EBF2: variants seen among roughly 807,000 people sequenced by gnomAD.
EBF2 encodes the protein transcription factor COE2.
EBF2 carries 21 observed loss-of-function variants against 72.8 expected under a neutral mutation model. The observed-to-expected ratio is 0.29, with a 90% CI of 0.20 to 0.42. EBF2 has a LOEUF of 0.42. EBF2 is among the 10% of genes least tolerant of loss of function. EBF2 has a pLI of 1.00. For synonymous variants in EBF2, 299 were observed against 274.2 expected (o/e 1.09, Z -0.89); for missense variants, 637 against 731.2 (o/e 0.87, Z 1.49).
intron 6 of EBF2, among the ~76,000 whole-genome samples, chr8:25,909,774 T>C (rs1158878263): frequency 6.6e-6 from 1 of 152,192 alleles, no homozygotes; most frequent in South Asian, 2.1e-4. Flanking sequence ...AAACAGTAAA[T>C]GATAAAGGAG....
At chr8:25,971,416 G>A (rs531052262) in intron 6 of EBF2, among the ~76,000 whole-genome samples, 345 of 152,238 alleles carry the variant, frequency 2.3e-3, no homozygotes, top group South Asian at 9.3e-3. Flanking sequence ...GAACAAGAGG[G>A]AAACACTACA....
At chr8:26,020,742 A>G (rs1464054655) in intron 6 of EBF2, among the ~76,000 whole-genome samples, 1 of 150,930 alleles carries the variant, frequency 6.6e-6, no homozygotes, top group Non-Finnish European at 1.5e-5. Flanking sequence ...ACGACATCAC[A>G]TTTTCAAAGT....
intron 6 of EBF2, among the ~76,000 whole-genome samples, chr8:25,986,021 A>AAAAAAAAAAAAAAAAT (rs1563200316): frequency 6.7e-6 from 1 of 149,186 alleles, no homozygotes; most frequent in East Asian, 1.9e-4. Context: ...AAAAAAAAAA[A>AAAAAAAAAAAAAAAAT]AAAAGTACAT....
chr8:25,938,284 A>C (rs565437776), intron 6 of EBF2, among the ~76,000 whole-genome samples: 1 of 151,278 alleles, frequency 6.6e-6, no homozygotes, highest in Admixed American at 6.6e-5. Context: ...GTTTCAATGC[A>C]TCTTGAGGTA....
At chr8:25,854,382 T>C (rs996982394) in intron 14 of EBF2, among the ~76,000 whole-genome samples, 1 of 152,198 alleles carries the variant, frequency 6.6e-6, no homozygotes, top group African/African-American at 2.4e-5. Flanking sequence ...CACTGAAGGA[T>C]TTTATGCAGC....
In EBF2 at chr8:25,889,743, C is replaced by T. The variant is rs760775205; in HGVS notation, c.751+9G>A. ...ATGTGTCTGCTATGCTGAGCGCAGG[C>T]AGCCCTACCTTCCGATGGATCGAGT... On this transcript the variant is annotated intron_variant, in intron 8 of 15. Coordinates refer to ENST00000520164, the MANE Select transcript of EBF2 (RefSeq NM_022659.4). The T allele has an allele frequency of 1.9e-6, 3 of 1,605,946 alleles. No individual in the cohort carries two copies. Among genetic ancestry groups the T allele is most frequent in the African/African-American group, 2.7e-5 (2 of 74,772 alleles).
At chr8:25,982,671 G>A (rs199884680) in intron 6 of EBF2, among the ~76,000 whole-genome samples, 1 of 152,280 alleles carries the variant, frequency 6.6e-6, no homozygotes, top group East Asian at 1.9e-4. Context: ...AACCTTTTAA[G>A]AATAGTAACA....
At chr8:25,954,135 C>T (rs1260426220) in intron 6 of EBF2, among the ~76,000 whole-genome samples, 2 of 152,116 alleles carry the variant, frequency 1.3e-5, no homozygotes, top group Non-Finnish European at 2.9e-5. Context: ...TATGTTAGCT[C>T]GAACTAGCTA....
intron 6 of EBF2, among the ~76,000 whole-genome samples, chr8:25,971,644 G>T (rs1804191435): frequency 6.6e-6 from 1 of 152,048 alleles, no homozygotes; most frequent in South Asian, 2.1e-4. Context: ...TGTCACACTT[G>T]CTTAAGGGTC....
intron 7 of EBF2, among the ~76,000 whole-genome samples, chr8:25,894,689 C>G (rs901355432): frequency 6.6e-6 from 1 of 152,186 alleles, no homozygotes; most frequent in African/African-American, 2.4e-5. Flanking sequence ...CTTCAAAAAT[C>G]TTTACATCTT....
intron 6 of EBF2, among the ~76,000 whole-genome samples, chr8:25,913,129 C>T (rs942595010): frequency 2.6e-5 from 4 of 152,112 alleles, no homozygotes; most frequent in Non-Finnish European, 4.4e-5. Context: ...CTAGTTCCTC[C>T]TTAAAATTTT....
intron 11 of EBF2, 35 bp from the exon 12 acceptor site, chr8:25,861,409 G>A (rs749479336): frequency 6.2e-6 from 10 of 1,610,132 alleles, no homozygotes; most frequent in Admixed American, 1.7e-5. Context: ...ATTGTCAAAG[G>A]CAAAATCCAA....
intron 7 of EBF2, among the ~76,000 whole-genome samples, chr8:25,901,236 A>T (rs1160184253): frequency 6.6e-6 from 1 of 152,010 alleles, no homozygotes; most frequent in Non-Finnish European, 1.5e-5. Context: ...AGCCTGGGCA[A>T]TGTGGCAAAA....
chr8:26,009,107 G>GAA lies in EBF2; in HGVS notation c.551+23976_551+23977dup, dbSNP rs66503039. 4.7e-3 allele frequency among the ~76,000 whole-genome samples: 396 copies of GAA among 85,010 alleles called. 5 individuals carry two copies. The highest frequency in any genetic ancestry group is 0.018 in the African/African-American group (363 of 20,120). 55.8% of individuals were successfully genotyped at this position (85,010 alleles called of 152,430 possible). On this transcript the variant is annotated intron_variant, in intron 6 of 15. Coordinates refer to ENST00000520164, the MANE Select transcript of EBF2 (RefSeq NM_022659.4). The stretch of plus-strand genomic sequence containing the variant: ...TTTTAAGTTATCCATGAGTAAAAGC[G>GAA]AAAAAAAAAAAAAAAAAAAAAAACC...
chr8:25,849,841 A>G (rs1801923159), intron 15 of EBF2, among the ~76,000 whole-genome samples: 1 of 152,174 alleles, frequency 6.6e-6, no homozygotes, highest in Admixed American at 6.5e-5. Flanking sequence ...TTTGACTTGC[A>G]TGTAACCAGA....
chr8:25,974,477 C>T (rs1322984918), intron 6 of EBF2, among the ~76,000 whole-genome samples: 1 of 152,160 alleles, frequency 6.6e-6, no homozygotes, highest in Non-Finnish European at 1.5e-5. Flanking sequence ...TATCCTTTTA[C>T]CTGATTGGGA....
At chr8:26,040,858 AGT>A (rs1805587692) in intron 3 of EBF2, 79 bp downstream of exon 3, 1 of 1,588,452 alleles carries the variant, frequency 6.3e-7, no homozygotes, top group Admixed American at 1.7e-5. Flanking sequence ...GATCCCTGAG[AGT>A]GATCATGGCA....
chr8:25,933,443 A>G (rs1242419106), intron 6 of EBF2, among the ~76,000 whole-genome samples: 1 of 152,200 alleles, frequency 6.6e-6, no homozygotes, highest in Non-Finnish European at 1.5e-5. Flanking sequence ...AATATGCCCT[A>G]AAGACTTCCA....
intron 6 of EBF2, among the ~76,000 whole-genome samples, chr8:25,950,085 C>T (rs983934687): frequency 1.3e-5 from 2 of 152,204 alleles, no homozygotes; most frequent in Non-Finnish European, 1.5e-5. Context: ...GAACATCATC[C>T]GAAGACCAGC....
Sources: allele counts gnomAD v4.1 joint callset (sites outside exome capture counted in the v4.1 genomes callset), GRCh38; gene constraint gnomAD v4.1.1; transcripts MANE v1.5; gene names NCBI Gene and HGNC (gene_info 2026-07-23, HGNC 2026-07-21).